PTPN13: variants seen among roughly 807,000 people sequenced by gnomAD.
The protein encoded by PTPN13 is protein tyrosine phosphatase non-receptor type 13.
Under a neutral mutation model 284.0 loss-of-function variants are expected in PTPN13, and 191 were observed. The ratio of observed to expected loss-of-function variants is 0.67; its 90% confidence interval spans 0.60 to 0.76. The LOEUF is 0.76. Ranked by LOEUF, PTPN13 falls within the 30% of genes least tolerant of loss-of-function variation. The pLI, the probability that PTPN13 is intolerant of heterozygous loss-of-function variation, is 0.00. For missense variants in PTPN13, 2,797 were observed against 2,939.9 expected, an observed-to-expected ratio of 0.95 and a Z score of 1.12; for synonymous variants, 986 against 1,022.3, an observed-to-expected ratio of 0.96 and a Z score of 0.68.
Position 86,693,643 on chromosome 4 carries a change from A to G in PTPN13, c.603A>G (p.Arg201=), listed in dbSNP as rs752943637. 81 of 1,556,698 alleles carry G rather than the reference A, an allele frequency of 5.2e-5. No homozygotes were observed. The highest frequency in any genetic ancestry group is 2.4e-5 in the East Asian group (1 of 42,468). Reference sequence around the variant, plus strand: ...AGCCTGATCGAAGCCAGGCTATTCGAGATCGATTGCGAGGAAAAGGATTAC... The same window carrying G: ...AGCCTGATCGAAGCCAGGCTATTCGGGATCGATTGCGAGGAAAAGGATTAC... The part of the protein sequence containing the change: ...EQKPDRSQAI[R]DRLRGKGLPT... Residue 201 remains arginine (R), a synonymous_variant, in exon 6 of 48, where the codon CGA becomes CGG. Coordinates refer to ENST00000411767, the MANE Select transcript of PTPN13 (RefSeq NM_080683.3).
intron 10 of PTPN13, among the ~76,000 whole-genome samples, chr4:86,730,943 A>G (rs1359697061): frequency 6.6e-6 from 1 of 152,110 alleles, no homozygotes; most frequent in Non-Finnish European, 1.5e-5. Context: ...TTCCACTTTC[A>G]TTCTTTCTAC....
chr4:86,800,135 T>G (rs1001922343), intron 42 of PTPN13, among the ~76,000 whole-genome samples: 2 of 151,516 alleles, frequency 1.3e-5, no homozygotes, highest in Non-Finnish European at 2.9e-5. Context: ...ACACCGCACC[T>G]GGCCAGAATT....
At chr4:86,768,599 C>G (rs1164464832) in intron 28 of PTPN13, among the ~76,000 whole-genome samples, 1 of 151,910 alleles carries the variant, frequency 6.6e-6, no homozygotes, top group African/African-American at 2.4e-5. Flanking sequence ...GAATCAGTCC[C>G]CAAAATAATG....
intron 10 of PTPN13, among the ~76,000 whole-genome samples, chr4:86,725,419 T>G (rs1051526092): frequency 6.7e-6 from 1 of 149,612 alleles, no homozygotes; most frequent in Non-Finnish European, 1.5e-5. Flanking sequence ...GTTGAACTAC[T>G]TTACGCTCCC....
chr4:86,630,036 G>A (rs1722297774), intron 1 of PTPN13, among the ~76,000 whole-genome samples: 1 of 152,108 alleles, frequency 6.6e-6, no homozygotes, highest in Non-Finnish European at 1.5e-5. Flanking sequence ...AAAGTGCTGG[G>A]ATTACAGGCA....
intron 1 of PTPN13, among the ~76,000 whole-genome samples, chr4:86,620,322 T>A (rs1721068889): frequency 6.6e-6 from 1 of 152,082 alleles, no homozygotes; most frequent in African/African-American, 2.4e-5. Flanking sequence ...CACACCACCA[T>A]AGCCAGCTAA....
intron 9 of PTPN13, 121 bp from the exon 10 acceptor site, chr4:86,722,091 G>C: frequency 1.3e-6 from 1 of 787,844 alleles, no homozygotes; most frequent in South Asian, 1.7e-5. Flanking sequence ...AGATTCTTCT[G>C]AGATGGGAAA....
intron 1 of PTPN13, among the ~76,000 whole-genome samples, chr4:86,631,533 C>T (rs182075201): frequency 5.9e-5 from 9 of 152,144 alleles, no homozygotes; most frequent in Admixed American, 1.3e-4. Context: ...TCTTGCCTAG[C>T]AAAGCTGTAA....
In PTPN13 at chr4:86,711,840, T is replaced by C. The variant is rs192513967; in HGVS notation, c.1196-4690T>C. Among the ~76,000 whole-genome samples the C allele has an allele frequency of 5.9e-5, 9 of 152,340 alleles. No individual in the cohort carries two copies. The East Asian group carries it at 1.3e-3, about 23-fold the overall frequency. On this transcript the variant is annotated intron_variant, in intron 7 of 47. Coordinates refer to ENST00000411767, the MANE Select transcript of PTPN13 (RefSeq NM_080683.3). Reference sequence around the variant, plus strand: ...GCTTAAAATTTTACCATTACAGTTATAACATTGCAATGAAGGTGGCTACAC... The same window carrying C: ...GCTTAAAATTTTACCATTACAGTTACAACATTGCAATGAAGGTGGCTACAC...
rs1454268672 is a variant in PTPN13, at chr4:86,785,095, C to G, written c.6119-136C>G. On this transcript the variant is annotated intron_variant, in intron 38 of 47. Transcript: ENST00000411767. The stretch of plus-strand genomic sequence containing the variant: ...GACTGGATCACATTAGTGTAAACTA[C>G]TTTTCCAGTCATTGCTACTTTTAAA... The G allele has an allele frequency of 2.9e-5, 18 of 629,524 alleles. No homozygotes were observed. In the Admixed American group the frequency reaches 3.9e-4, roughly 14 times the overall value. The allele number at this position is 629,524 out of a possible 1,614,324, so 39.0% of individuals were successfully genotyped here.
chr4:86,697,654 C>T (rs183006152), intron 6 of PTPN13, among the ~76,000 whole-genome samples: 6 of 152,270 alleles, frequency 3.9e-5, no homozygotes, highest in Admixed American at 1.3e-4. Flanking sequence ...TGCTTTAGAA[C>T]TTACGCATAT....
chr4:86,754,337 A>G (rs550127938), intron 20 of PTPN13, among the ~76,000 whole-genome samples: 1 of 152,202 alleles, frequency 6.6e-6, no homozygotes, highest in South Asian at 2.1e-4. Flanking sequence ...GAATGCCTAT[A>G]TACCTGAAAT....
chr4:86,654,299 A>G (rs2148819718), intron 2 of PTPN13, among the ~76,000 whole-genome samples: 1 of 152,332 alleles, frequency 6.6e-6, no homozygotes, highest in Non-Finnish European at 1.5e-5. Flanking sequence ...AGGAGAAAAG[A>G]GAGAAGAATC....
chr4:86,750,561 C>T lies in PTPN13; in HGVS notation c.2742C>T (p.Ser914=). The T allele has an allele frequency of 6.2e-7, 1 of 1,613,966 alleles. No individual in the cohort carries two copies. The highest frequency in any genetic ancestry group is 1.1e-5 in the South Asian group (1 of 91,088). Residue 914 remains serine (S), a synonymous_variant, in exon 18 of 48, where the codon AGC becomes AGT. Transcript: ENST00000411767. ...CAATCAGCACTGGCAGTCTGGCCAG[C>T]AGCACCCTCAACAAACTTGCTGTTC... The part of the protein sequence containing the change: ...GRAISTGSLA[S]STLNKLAVRP...
At chr4:86,784,871 A>G (rs777263462) in intron 38 of PTPN13, among the ~76,000 whole-genome samples, 2 of 152,256 alleles carry the variant, frequency 1.3e-5, no homozygotes, top group Admixed American at 6.5e-5. Context: ...TGTCTGATCT[A>G]TTATATCCTT....
chr4:86,716,483 A>C (rs1486499778), intron 7 of PTPN13, 47 bp from the exon 8 acceptor site: 2 of 1,070,610 alleles, frequency 1.9e-6, no homozygotes, highest in African/African-American at 3.2e-5. Context: ...TTTATGTGGA[A>C]TAGCTAATGA....
At chr4:86,649,294 T>C (rs1466766467) in intron 2 of PTPN13, among the ~76,000 whole-genome samples, 1 of 152,172 alleles carries the variant, frequency 6.6e-6, no homozygotes, top group Non-Finnish European at 1.5e-5. Flanking sequence ...ATGCAAGAAA[T>C]CTTTGTGCAC....
In PTPN13 at chr4:86,755,368, A is replaced by G. The variant is rs552155041; in HGVS notation, c.3223+2303A>G. 5.3e-5 allele frequency among the ~76,000 whole-genome samples: 8 copies of G among 152,064 alleles called. 1 individual carries two copies. The South Asian group carries it at 1.7e-3, about 32-fold the overall frequency. ...CAAAAGTTGCTCAACTTAAAAAAAA[A>G]AACACTGGTTATTTTCCTTTGTAAG... On this transcript the variant is annotated intron_variant, in intron 20 of 47. Transcript: ENST00000411767.
Position 86,754,897 on chromosome 4 carries a change from G to A in PTPN13, c.3223+1832G>A, listed in dbSNP as rs536833701. 2.5e-4 allele frequency among the ~76,000 whole-genome samples: 38 copies of A among 152,160 alleles called. No homozygotes were observed. In the East Asian group the frequency reaches 5.0e-3, roughly 20 times the overall value. On this transcript the variant is annotated intron_variant, in intron 20 of 47. Coordinates refer to ENST00000411767, the MANE Select transcript of PTPN13 (RefSeq NM_080683.3). ...TTCATATAGAGGTATGCCTCAGTTAGCTTGCAAACAAGGCTATATTTTCTT... is the reference window on the plus strand; with the variant it reads ...TTCATATAGAGGTATGCCTCAGTTAACTTGCAAACAAGGCTATATTTTCTT...
Sources: gnomAD v4.1 joint callset for allele counts (sites outside exome capture counted in the v4.1 genomes callset) on GRCh38, gnomAD v4.1.1 for gene constraint, MANE v1.5 for transcripts, NCBI Gene and HGNC (gene_info 2026-07-23, HGNC 2026-07-21) for gene names.